ZC3H18: variants seen among roughly 807,000 people sequenced by gnomAD.
ZC3H18 encodes the protein zinc finger CCCH domain-containing protein 18.
A neutral mutation model predicts 106.1 loss-of-function variants in ZC3H18; 8 were observed. That is an observed-to-expected ratio of 0.08 (90% CI 0.04 to 0.14). ZC3H18 has a LOEUF of 0.14. Ranked by LOEUF, ZC3H18 falls within the 10% of genes least tolerant of loss-of-function variation. The probability of loss-of-function intolerance (pLI) is 1.00; values close to 1 mark genes in which losing one functional copy is unlikely to be tolerated. For missense variants in ZC3H18, 1,318 were observed against 1,278.4 expected (o/e 1.03, Z -0.47); for synonymous variants, 635 against 522.1 (o/e 1.22, Z -2.95).
chr16:88,622,106 G>C, intron 8 of ZC3H18, 91 bp from the exon 9 acceptor site: 1 of 1,414,678 alleles, frequency 7.1e-7, no homozygotes, highest in Non-Finnish European at 9.5e-7. Flanking sequence ...AGCCAGGTAT[G>C]AGATCCATAG....
chr16:88,581,615 G>A (rs1306151162), intron 2 of ZC3H18, among the ~76,000 whole-genome samples: 1 of 152,204 alleles, frequency 6.6e-6, no homozygotes, highest in Admixed American at 6.5e-5. Flanking sequence ...GTGGGTGAGG[G>A]CGTCCCTGAC....
chr16:88,630,760 C>G (rs1906624873), intron 17 of ZC3H18, among the ~76,000 whole-genome samples, 179 bp downstream of exon 17: 1 of 108,388 alleles, frequency 9.2e-6, no homozygotes, highest in African/African-American at 3.1e-5. Context: ...CCCCCCACCC[C>G]CCCCCACACA....
intron 16 of ZC3H18, 23 bp downstream of exon 16, chr16:88,628,877 G>T (rs747362121): frequency 6.2e-7 from 1 of 1,613,490 alleles, no homozygotes; most frequent in Non-Finnish European, 8.5e-7. Context: ...GCCCCTAGGG[G>T]GCAGGGCAGA....
intron 8 of ZC3H18, among the ~76,000 whole-genome samples, chr16:88,616,448 G>C (rs1905611192): frequency 6.6e-6 from 1 of 152,168 alleles, no homozygotes; most frequent in Non-Finnish European, 1.5e-5. Flanking sequence ...CGCTTGCCTG[G>C]ATTCATTCAG....
At chr16:88,609,593 C>T (rs1289570582) in intron 7 of ZC3H18, among the ~76,000 whole-genome samples, 2 of 150,172 alleles carry the variant, frequency 1.3e-5, no homozygotes, top group African/African-American at 2.5e-5. Context: ...TGAGCCACTG[C>T]GCCCGGCCTG....
intron 16 of ZC3H18, chr16:88,630,230 T>C: frequency 2.2e-6 from 1 of 446,606 alleles, no homozygotes; most frequent in Admixed American, 3.9e-5. Flanking sequence ...AGGAGTTTTG[T>C]CTCTCTGCGT....
chr16:88,606,162 A>G (rs1905000712), intron 6 of ZC3H18, among the ~76,000 whole-genome samples: 1 of 152,206 alleles, frequency 6.6e-6, no homozygotes, highest in Admixed American at 6.5e-5. Context: ...ACAGTTGGGG[A>G]AGAGTTTGTG....
Position 88,570,558 on chromosome 16 carries a change from A to C in ZC3H18, c.-23A>C, listed in dbSNP as rs1387954576. ...GGAGCCGTGGCCTCCTCTCCGCCCTAGCGCTGAGGTTAGCTGGGGCCGGGA... is the reference window on the plus strand; with the variant it reads ...GGAGCCGTGGCCTCCTCTCCGCCCTCGCGCTGAGGTTAGCTGGGGCCGGGA... On this transcript the variant is annotated 5_prime_UTR_variant, in exon 1 of 18. Transcript: ENST00000301011. 6.6e-6 allele frequency: 1 copy of C among 151,714 alleles called. No homozygotes were observed. Among genetic ancestry groups the C allele is most frequent in the East Asian group, 2.0e-4 (1 of 5,118 alleles). 9.4% of individuals were successfully genotyped at this position (151,714 alleles called of 1,614,324 possible).
intron 6 of ZC3H18, among the ~76,000 whole-genome samples, chr16:88,608,115 C>G (rs1905096398): frequency 6.6e-6 from 1 of 152,128 alleles, no homozygotes. Context: ...CTGGGTTTTT[C>G]ATGTATAGTA....
chr16:88,619,781 T>G (rs1449133633), intron 8 of ZC3H18, among the ~76,000 whole-genome samples: 1 of 152,184 alleles, frequency 6.6e-6, no homozygotes, highest in East Asian at 1.9e-4. Flanking sequence ...TGACCACGCC[T>G]TGACTTCTGC....
At chr16:88,570,678 C>T (rs1022199895) in intron 1 of ZC3H18, 112 bp downstream of exon 1, 6 of 151,016 alleles carry the variant, frequency 4.0e-5, no homozygotes, top group African/African-American at 1.5e-4. Context: ...CCCGGCGCGC[C>T]TCCGGCCGTG....
chr16:88,631,512 A>G lies in ZC3H18; in HGVS notation c.*213A>G. 2.9e-6 allele frequency: 2 copies of G among 686,812 alleles called. No homozygotes were observed. The highest frequency in any genetic ancestry group is 1.6e-5 in the South Asian group (1 of 64,060). The allele number at this position is 686,812 out of a possible 1,614,324, so 42.5% of individuals were successfully genotyped here. ...AGAGCAGAAGTCCCGCAGGACAGAC[A>G]GACACAGACAGCGCTAGTGACCAGC... is the stretch of plus-strand genomic sequence containing the variant. On this transcript the variant is annotated 3_prime_UTR_variant, in exon 18 of 18. Transcript: ENST00000301011.
At chr16:88,615,456 G>A (rs1436252799) in intron 8 of ZC3H18, among the ~76,000 whole-genome samples, 2 of 152,214 alleles carry the variant, frequency 1.3e-5, no homozygotes, top group Admixed American at 6.5e-5. Context: ...GTCCCGCACA[G>A]GTTGGTGCTT....
chr16:88,630,433 A>C, intron 16 of ZC3H18, 52 bp from the exon 17 acceptor site: 2 of 1,494,474 alleles, frequency 1.3e-6, no homozygotes, highest in South Asian at 2.3e-5. Context: ...CCACCCACAC[A>C]GCCATTCCCT....
At chr16:88,611,038 C>A (rs916159522) in intron 7 of ZC3H18, among the ~76,000 whole-genome samples, 2 of 152,190 alleles carry the variant, frequency 1.3e-5, no homozygotes, top group Admixed American at 6.5e-5. Flanking sequence ...GATGAGATCC[C>A]CACTTGAGGG....
chr16:88,628,840 C>T lies in ZC3H18; in HGVS notation c.2552C>T (p.Thr851Ile). Reference protein sequence around the residue: ...QSPPPAKRPNTSPDRGSRDRK... With the variant: ...QSPPPAKRPNISPDRGSRDRK... ...CCTCCTCCAGCCAAGCGGCCCAACA[C>T]ATCCCCAGACCGAGGTGAGCCTCCC... Residue 851 changes from threonine to isoleucine, a missense_variant, in exon 16 of 18, where the codon ACA (threonine) becomes ATA (isoleucine). Thr to Ile is a moderately conservative substitution (Grantham distance 89, BLOSUM62 -1). Coordinates refer to ENST00000301011, the MANE Select transcript of ZC3H18 (RefSeq NM_144604.4). 3.1e-6 allele frequency: 5 copies of T among 1,614,082 alleles called. No homozygotes were observed. Among genetic ancestry groups the T allele is most frequent in the Non-Finnish European group, 4.2e-6 (5 of 1,179,970 alleles).
rs1465011488 is a variant in ZC3H18 at position 88,571,075 on chromosome 16, C to A, written c.-15+509C>A. 2.6e-5 allele frequency among the ~76,000 whole-genome samples: 4 copies of A among 152,346 alleles called. No homozygotes were observed. The South Asian group carries it at 8.3e-4, about 32-fold the overall frequency. ...TGATTGCCCCAAGACGCGCGCCGGT[C>A]TCTTAGGAGTATGTAACTTCCTTGC... On this transcript the variant is annotated intron_variant, in intron 1 of 17. Coordinates refer to ENST00000301011, the MANE Select transcript of ZC3H18 (RefSeq NM_144604.4).
chr16:88,623,191 T>C (rs1276948472), intron 9 of ZC3H18, 28 bp from the exon 10 acceptor site: 1 of 1,606,436 alleles, frequency 6.2e-7, no homozygotes, highest in South Asian at 1.1e-5. Flanking sequence ...TTCTCACTTC[T>C]CGCCACGCTC....
intron 3 of ZC3H18, 126 bp downstream of exon 3, chr16:88,586,810 T>G (rs1597327195): frequency 3.1e-6 from 1 of 319,658 alleles, no homozygotes; most frequent in Non-Finnish European, 6.2e-6. Context: ...ACTGGCTAGG[T>G]GGTGGTGGTG....
Sources: gnomAD v4.1 joint callset for allele counts (sites outside exome capture counted in the v4.1 genomes callset) on GRCh38, gnomAD v4.1.1 for gene constraint, MANE v1.5 for transcripts, NCBI Gene and HGNC (gene_info 2026-07-23, HGNC 2026-07-21) for gene names.